PTPRN2: variants seen among roughly 807,000 people sequenced by gnomAD.
The protein encoded by PTPRN2 is receptor-type tyrosine-protein phosphatase N2.
PTPRN2 carries 74 observed loss-of-function variants against 118.8 expected under a neutral mutation model. That is an observed-to-expected ratio of 0.62 (90% CI 0.52 to 0.76). The LOEUF is 0.76. PTPRN2 is among the 30% of genes least tolerant of loss of function. The pLI is 0.00. For missense variants in PTPRN2, 1,481 were observed against 1,394.4 expected, an observed-to-expected ratio of 1.06 and a Z score of -0.99; for synonymous variants, 641 against 608.0, an observed-to-expected ratio of 1.05 and a Z score of -0.80.
intron 3 of PTPRN2, among the ~76,000 whole-genome samples, chr7:158,234,923 C>T (rs189724357): frequency 7.2e-5 from 11 of 152,204 alleles, no homozygotes; most frequent in African/African-American, 1.2e-4. Flanking sequence ...CCACCACACC[C>T]GGCTAATTTT....
At chr7:157,998,906 G>A (rs577290535) in intron 11 of PTPRN2, among the ~76,000 whole-genome samples, 6 of 151,882 alleles carry the variant, frequency 4.0e-5, no homozygotes, top group South Asian at 2.1e-4. Flanking sequence ...CATGCCCCAC[G>A]TAAGAGGGTT....
chr7:158,244,688 G>A (rs1796089678), intron 3 of PTPRN2, among the ~76,000 whole-genome samples: 1 of 150,320 alleles, frequency 6.7e-6, no homozygotes, highest in South Asian at 2.1e-4. Flanking sequence ...AGCTGTGTAA[G>A]TTGTGAGTGT....
chr7:157,966,104 T>C (rs6957391), intron 11 of PTPRN2, among the ~76,000 whole-genome samples: 83,146 of 151,702 alleles, frequency 0.55, 23,705 homozygotes, highest in African/African-American at 0.71. Flanking sequence ...TCAGCCACAT[T>C]GAACTTCTTC....
chr7:157,773,803 TC>T (rs1349608870), intron 12 of PTPRN2, among the ~76,000 whole-genome samples: 1 of 152,202 alleles, frequency 6.6e-6, no homozygotes, highest in Non-Finnish European at 1.5e-5. Flanking sequence ...AGTTCTGGAC[TC>T]TTTGTGATGA....
At chr7:158,238,010 G>A (rs1418995359) in intron 3 of PTPRN2, among the ~76,000 whole-genome samples, 2 of 152,246 alleles carry the variant, frequency 1.3e-5, no homozygotes, top group African/African-American at 2.4e-5. Flanking sequence ...GGCTGCTCCC[G>A]ACGTCCCTGG....
chr7:158,209,655 A>G lies in PTPRN2; in HGVS notation c.278-4382T>C, dbSNP rs75099918. The stretch of plus-strand genomic sequence containing the variant: ...GACAGATCATTGAGACAGAAATTCA[A>G]CGAAGATATATTGACCAAGCTGCAC... On this transcript the variant is annotated intron_variant, in intron 3 of 22. Transcript: ENST00000389418. Among the ~76,000 whole-genome samples the G allele has an allele frequency of 4.8e-3, 727 of 152,358 alleles. 8 individuals are homozygous for G. The highest frequency in any genetic ancestry group is 0.017 in the African/African-American group (693 of 41,592).
At chr7:158,475,762 T>C (rs1446300296) in intron 2 of PTPRN2, among the ~76,000 whole-genome samples, 1 of 152,078 alleles carries the variant, frequency 6.6e-6, no homozygotes, top group Non-Finnish European at 1.5e-5. Flanking sequence ...CTGGAGACCG[T>C]CTTGGTTAAC....
intron 3 of PTPRN2, among the ~76,000 whole-genome samples, chr7:158,307,944 C>T (rs1447415460): frequency 6.6e-6 from 1 of 152,164 alleles, no homozygotes; most frequent in Non-Finnish European, 1.5e-5. Context: ...TCAGCCTCCT[C>T]ATCATGTGAT....
chr7:158,146,850 C>G (rs144728537), intron 6 of PTPRN2, among the ~76,000 whole-genome samples: 2 of 151,668 alleles, frequency 1.3e-5, no homozygotes, highest in South Asian at 4.1e-4. Flanking sequence ...GAGACTTGAC[C>G]AATGGATAGA....
chr7:157,578,158 C>CCGTGGCCGCGGTGTGACTGTCT lies in PTPRN2; in HGVS notation c.2497-40_2497-19dup, dbSNP rs1355515054. 6.3e-7 allele frequency: 1 copy of CCGTGGCCGCGGTGTGACTGTCT among 1,597,020 alleles called. No homozygotes were observed. Among genetic ancestry groups the CCGTGGCCGCGGTGTGACTGTCT allele is most frequent in the Admixed American group, 1.7e-5 (1 of 59,476 alleles). On this transcript the variant is annotated intron_variant, in intron 17 of 22. Transcript: ENST00000389418. The stretch of plus-strand genomic sequence containing the variant: ...CACACCATCTGCGGACAAAGAAGGC[C>CCGTGGCCGCGGTGTGACTGTCT]CGTGGCCGCGGTGTGACTGTCTCAT...
chr7:157,603,956 C>A lies in PTPRN2; in HGVS notation c.2418+46G>T. ...TCCCACGTGATTTGCCGCGTCCGTGCCACCCAAGGGAAAGCCTGGGGCCCC... is the reference window on the plus strand; with the variant it reads ...TCCCACGTGATTTGCCGCGTCCGTGACACCCAAGGGAAAGCCTGGGGCCCC... On this transcript the variant is annotated intron_variant, in intron 16 of 22. Coordinates refer to ENST00000389418, the MANE Select transcript of PTPRN2 (RefSeq NM_002847.5). This position sits in a 1 kb window ranked among gnomAD's most constrained non-coding sequence, Gnocchi z 5.4. 1 of 1,556,834 alleles carries A rather than the reference C, an allele frequency of 6.4e-7. No individual in the cohort carries two copies.
At chr7:157,769,486 A>G (rs1009174445) in intron 12 of PTPRN2, among the ~76,000 whole-genome samples, 44 of 152,192 alleles carry the variant, frequency 2.9e-4, no homozygotes, top group Admixed American at 2.6e-3. Context: ...CAATGTCAAC[A>G]GGCAAATGGA....
chr7:157,696,176 G>T (rs1429387801), intron 12 of PTPRN2, among the ~76,000 whole-genome samples: 27 of 61,782 alleles, frequency 4.4e-4, no homozygotes, highest in Admixed American at 1.1e-3. Flanking sequence ...TGGGTCTTGG[G>T]AGAGCCCTCA....
intron 3 of PTPRN2, among the ~76,000 whole-genome samples, chr7:158,220,128 A>C (rs1828246085): frequency 6.6e-6 from 1 of 152,120 alleles, no homozygotes; most frequent in African/African-American, 2.4e-5. Flanking sequence ...AAAAACCTTC[A>C]ACAAATTAGG....
At position 157,944,119 on chromosome 7, in the gene PTPRN2, C is replaced by G. The variant is rs1414495097; in HGVS notation, c.1724-45382G>C. On this transcript the variant is annotated intron_variant, in intron 11 of 22. Coordinates refer to ENST00000389418, the MANE Select transcript of PTPRN2 (RefSeq NM_002847.5). This position sits in a 1 kb window ranked among gnomAD's most constrained non-coding sequence, Gnocchi z 4.3. Reference sequence around the variant, plus strand: ...TCACTTCAATTACAGACACTCCGAGCCCAGGACAGGCTCCAGATGCCCGGC... The same window carrying G: ...TCACTTCAATTACAGACACTCCGAGGCCAGGACAGGCTCCAGATGCCCGGC... Among the ~76,000 whole-genome samples the G allele has an allele frequency of 2.6e-5, 4 of 152,222 alleles. No individual in the cohort carries two copies. Among genetic ancestry groups the G allele is most frequent in the Non-Finnish European group, 5.9e-5 (4 of 68,044 alleles).
At chr7:157,651,075 C>T (rs369183643) in intron 14 of PTPRN2, among the ~76,000 whole-genome samples, 1 of 152,230 alleles carries the variant, frequency 6.6e-6, no homozygotes, top group Non-Finnish European at 1.5e-5. Flanking sequence ...ACGCGTCTCA[C>T]GCTGGGAGTT....
intron 2 of PTPRN2, among the ~76,000 whole-genome samples, chr7:158,358,462 A>G (rs1006607252): frequency 3.3e-5 from 5 of 152,226 alleles, no homozygotes; most frequent in Non-Finnish European, 5.9e-5. Flanking sequence ...ATGAAAATTT[A>G]CCAGACTTGA....
In PTPRN2 at chr7:158,346,510, A is replaced by G. The variant is rs548945899; in HGVS notation, c.164-29578T>C. Among the ~76,000 whole-genome samples, 5 of 152,306 alleles carry G rather than the reference A, an allele frequency of 3.3e-5. No individual in the cohort carries two copies. The East Asian group carries it at 7.7e-4, about 23-fold the overall frequency. Reference sequence around the variant, plus strand: ...ATAGTATCCCACTGTGTCTTTATCCATCCATCTGTCGATGGACATTTAGGT... The same window carrying G: ...ATAGTATCCCACTGTGTCTTTATCCGTCCATCTGTCGATGGACATTTAGGT... On this transcript the variant is annotated intron_variant, in intron 2 of 22. Transcript: ENST00000389418.
At chr7:158,333,530 C>A (rs1328360527) in intron 2 of PTPRN2, among the ~76,000 whole-genome samples, 1 of 148,028 alleles carries the variant, frequency 6.8e-6, no homozygotes, top group Non-Finnish European at 1.5e-5. Flanking sequence ...TAAGACCTGA[C>A]ACTCGCAGAC....
Sources: allele counts gnomAD v4.1 joint callset (sites outside exome capture counted in the v4.1 genomes callset), GRCh38; gene constraint gnomAD v4.1.1; non-coding constraint Gnocchi (gnomAD v3.1); transcripts MANE v1.5; gene names NCBI Gene and HGNC (gene_info 2026-07-23, HGNC 2026-07-21).